JAKMIP2: variants seen among roughly 807,000 people sequenced by gnomAD.
JAKMIP2 encodes the protein janus kinase and microtubule interacting protein 2.
JAKMIP2 carries 25 observed loss-of-function variants against 115.0 expected under a neutral mutation model. The ratio of observed to expected loss-of-function variants is 0.22; its 90% confidence interval spans 0.16 to 0.30. The LOEUF (loss-of-function observed/expected upper bound fraction) is 0.30. Ranked by LOEUF, JAKMIP2 falls within the 10% of genes least tolerant of loss-of-function variation. The pLI is 1.00. For missense variants in JAKMIP2, 642 were observed against 957.6 expected (o/e 0.67, Z 4.35); for synonymous variants, 334 against 343.6 (o/e 0.97, Z 0.31).
intron 19 of JAKMIP2, among the ~76,000 whole-genome samples, chr5:147,617,636 C>G (rs1171512904): frequency 6.6e-6 from 1 of 152,080 alleles, no homozygotes; most frequent in African/African-American, 2.4e-5. Flanking sequence ...AATCAGACAC[C>G]ATGAAATTCA....
At chr5:147,695,679 A>T (rs112403498) in intron 1 of JAKMIP2, among the ~76,000 whole-genome samples, 5,032 of 129,546 alleles carry the variant, frequency 0.039, 259 homozygotes, top group African/African-American at 0.14. Context: ...TGTGTGTGTG[A>T]GAGAGAGAGA....
chr5:147,646,639 G>T (rs1418463473), intron 5 of JAKMIP2, among the ~76,000 whole-genome samples: 1 of 151,508 alleles, frequency 6.6e-6, no homozygotes, highest in Non-Finnish European at 1.5e-5. Context: ...GTGTAAATAT[G>T]TATGTATATA....
In JAKMIP2 at chr5:147,591,769, CA is replaced by C. The variant is rs1223721007; in HGVS notation, c.*21-84del. 7.0e-6 allele frequency: 6 copies of C among 858,706 alleles called. No homozygotes were observed. In the African/African-American group the frequency reaches 1.0e-4, roughly 15 times the overall value. The allele number at this position is 858,706 out of a possible 1,614,324, so 53.2% of individuals were successfully genotyped here. On this transcript the variant is annotated intron_variant, in intron 21 of 21. Transcript: ENST00000616793. ...AAAAAACAAACTTTAAAAAAAGACA[CA>C]AATTTTTTATTCTTTACCACTGCTT... is the stretch of plus-strand genomic sequence containing the variant.
chr5:147,651,249 C>T (rs1354412379), intron 3 of JAKMIP2, among the ~76,000 whole-genome samples: 1 of 152,154 alleles, frequency 6.6e-6, no homozygotes, highest in African/African-American at 2.4e-5. Context: ...TTCCCTCCCA[C>T]ATGTGTGAGA....
rs562311134 is a variant in JAKMIP2, at chr5:147,658,072, G to A, written c.627+2876C>T. On this transcript the variant is annotated intron_variant, in intron 3 of 21. Coordinates refer to ENST00000616793, the MANE Select transcript of JAKMIP2 (RefSeq NM_001270941.2). The stretch of plus-strand genomic sequence containing the variant: ...GCTGGACAGTTGTTGTGAACGTTTG[G>A]AGGAGAAGAGGCATTCTGGCTTTTG... 4.4e-4 allele frequency among the ~76,000 whole-genome samples: 67 copies of A among 152,192 alleles called. 1 individual carries two copies. Among genetic ancestry groups the A allele is most frequent in the Admixed American group, 7.2e-4 (11 of 15,294 alleles).
intron 1 of JAKMIP2, among the ~76,000 whole-genome samples, chr5:147,778,560 C>T (rs1483157781): frequency 5.3e-5 from 8 of 152,010 alleles, no homozygotes; most frequent in Admixed American, 5.2e-4. Context: ...TCACCAAACA[C>T]AAATTTGGAC....
chr5:147,690,539 TTATATATATATATATATATATATATA>T (rs58086292), intron 1 of JAKMIP2, among the ~76,000 whole-genome samples: 18 of 92,236 alleles, frequency 2.0e-4, no homozygotes, highest in East Asian at 4.3e-4. Context: ...ACTAAAGAGA[TTATATATATATATATATATATATATA>T]TATATATATA....
intron 1 of JAKMIP2, among the ~76,000 whole-genome samples, chr5:147,725,593 G>T (rs934631064): frequency 4.6e-5 from 7 of 152,082 alleles, no homozygotes; most frequent in African/African-American, 1.7e-4. Context: ...AAGTGGTGGG[G>T]TAAACCTTAC....
intron 21 of JAKMIP2, among the ~76,000 whole-genome samples, chr5:147,598,278 C>T (rs61397161): frequency 0.014 from 2,104 of 152,228 alleles, 54 homozygotes; most frequent in African/African-American, 0.049. Flanking sequence ...GGATTACAGG[C>T]GTGAGCCATC....
rs1759413363 is a variant in JAKMIP2 at position 147,668,448 on chromosome 5, A to T, written c.129+3230T>A. Among the ~76,000 whole-genome samples the T allele has an allele frequency of 2.6e-5, 4 of 152,290 alleles. No homozygotes were observed. In the South Asian group the frequency reaches 8.3e-4, roughly 32 times the overall value. On this transcript the variant is annotated intron_variant, in intron 2 of 21. Transcript: ENST00000616793. ...CAAGAAGCAGACAGATCTGGGTGGAAATCCTTTCTCTACCCAAGCCTGGAG... is the reference window on the plus strand; with the variant it reads ...CAAGAAGCAGACAGATCTGGGTGGATATCCTTTCTCTACCCAAGCCTGGAG...
intron 2 of JAKMIP2, among the ~76,000 whole-genome samples, chr5:147,662,458 G>A (rs528375862): frequency 6.6e-6 from 1 of 152,182 alleles, no homozygotes; most frequent in African/African-American, 2.4e-5. Context: ...AGGCCTCCTT[G>A]TAGATTAGCA....
At chr5:147,703,689 T>C (rs994136871) in intron 1 of JAKMIP2, among the ~76,000 whole-genome samples, 1 of 151,528 alleles carries the variant, frequency 6.6e-6, no homozygotes, top group African/African-American at 2.4e-5. Flanking sequence ...AGCCTCAAAG[T>C]GCTGGGATTA....
chr5:147,740,322 G>A (rs748146575), intron 1 of JAKMIP2, among the ~76,000 whole-genome samples: 6 of 152,208 alleles, frequency 3.9e-5, no homozygotes, highest in Non-Finnish European at 8.8e-5. Flanking sequence ...AGAAATTGGG[G>A]ACTGATTGCC....
chr5:147,714,448 G>T (rs537039161), intron 1 of JAKMIP2, among the ~76,000 whole-genome samples: 39 of 152,238 alleles, frequency 2.6e-4, no homozygotes, highest in Admixed American at 5.9e-4. Context: ...CGGAAATGAT[G>T]CAAGAAACAA....
chr5:147,722,899 T>G (rs1753371327), intron 1 of JAKMIP2, among the ~76,000 whole-genome samples: 1 of 152,124 alleles, frequency 6.6e-6, no homozygotes, highest in Non-Finnish European at 1.5e-5. Context: ...CCATTTCATG[T>G]GGTTATTGCA....
At chr5:147,653,894 G>A (rs1050159308) in intron 3 of JAKMIP2, among the ~76,000 whole-genome samples, 6 of 152,154 alleles carry the variant, frequency 3.9e-5, no homozygotes, top group Non-Finnish European at 7.4e-5. Flanking sequence ...TGTATAAGGT[G>A]TAAGGAAGGG....
In JAKMIP2 at chr5:147,721,773, C is replaced by T. The variant is rs187169998; in HGVS notation, c.-148-49819G>A. Among the ~76,000 whole-genome samples the T allele has an allele frequency of 6.3e-3, 958 of 152,248 alleles. 4 individuals are homozygous for T. The highest frequency in any genetic ancestry group is 0.017 in the Middle Eastern group (5 of 294). On this transcript the variant is annotated intron_variant, in intron 1 of 21. Transcript: ENST00000616793. Reference sequence around the variant, plus strand: ...CTGGCACTCCCTAGTGAGATGAACCCGGTACCTCAGATGGAAATGCAGAAA... The same window carrying T: ...CTGGCACTCCCTAGTGAGATGAACCTGGTACCTCAGATGGAAATGCAGAAA...
intron 19 of JAKMIP2, 130 bp from the exon 20 acceptor site, chr5:147,612,501 C>T (rs1307841024): frequency 1.9e-5 from 11 of 573,760 alleles, no homozygotes; most frequent in Non-Finnish European, 3.1e-5. Context: ...GGAAACATCG[C>T]ATGTATGTTT....
chr5:147,666,018 T>G (rs979878751), intron 2 of JAKMIP2, among the ~76,000 whole-genome samples: 4 of 152,168 alleles, frequency 2.6e-5, no homozygotes. Flanking sequence ...ACACTGTCTA[T>G]CCCTTAAAAT....
Sources: gnomAD v4.1 joint callset for allele counts (sites outside exome capture counted in the v4.1 genomes callset) on GRCh38, gnomAD v4.1.1 for gene constraint, MANE v1.5 for transcripts, NCBI Gene and HGNC (gene_info 2026-07-23, HGNC 2026-07-21) for gene names.